The following CSMD1 variants were observed in gnomAD, a reference collection of about 807,000 sequenced individuals.
CSMD1 encodes CUB and Sushi multiple domains 1.
A neutral mutation model predicts 417.5 loss-of-function variants in CSMD1; 213 were observed. The ratio of observed to expected loss-of-function variants is 0.51; its 90% CI spans 0.46 to 0.57. The LOEUF (loss-of-function observed/expected upper bound fraction) is 0.57, where lower values mean the gene tolerates loss of function less well. CSMD1 is among the 20% of genes least tolerant of loss of function. The probability of loss-of-function intolerance (pLI) is 0.00; values close to 1 mark genes in which losing one functional copy is unlikely to be tolerated. For missense variants in CSMD1, 6,923 were observed against 4,529.7 expected (o/e 1.53, Z -15.17); for synonymous variants, 2,862 against 1,736.8 (o/e 1.65, Z -16.11).
In CSMD1 at chr8:3,287,196, T is replaced by TACCAGTACCACACTGTTTTGG. The variant is rs1211842180; in HGVS notation, c.3951-2851_3951-2850insCCAAAACAGTGTGGTACTGGT. 8.8e-5 allele frequency among the ~76,000 whole-genome samples: 13 copies of TACCAGTACCACACTGTTTTGG among 148,000 alleles called. 1 individual carries two copies. The highest frequency in any genetic ancestry group is 2.7e-4 in the Admixed American group (4 of 14,570). On this transcript the variant is annotated intron_variant, in intron 25 of 69. Coordinates refer to ENST00000635120, the MANE Select transcript of CSMD1 (RefSeq NM_033225.6). ...CCATTGGTCTCTATCTCTGTTTTGG[T>TACCAGTACCACACTGTTTTGG]TACTGTAGCCTTGTAGTACAGTTTG...
chr8:3,367,204 G>C lies in CSMD1; in HGVS notation c.2943C>G (p.His981Gln), dbSNP rs752085333. The C allele has an allele frequency of 6.2e-7, 1 of 1,613,426 alleles. No individual in the cohort carries two copies. Among genetic ancestry groups the C allele is most frequent in the Admixed American group, 1.7e-5 (1 of 59,956 alleles). ...CATCCTCTGTGATCAGTAAATAGTCGTGGGAACTCTCAAGATGAAAGGTGT... is the reference window on the plus strand; with the variant it reads ...CATCCTCTGTGATCAGTAAATAGTCCTGGGAACTCTCAAGATGAAAGGTGT... Reference protein sequence around the residue: ...IFHTFHLESSHDYLLITEDGS... With the variant: ...IFHTFHLESSQDYLLITEDGS... The change falls in exon 20 of 70, where the codon CAC becomes CAG. Residue 981 changes from histidine to glutamine, a missense_variant. By Grantham distance (24) the His-to-Gln change is conservative (BLOSUM62 0). Coordinates refer to ENST00000635120, the MANE Select transcript of CSMD1 (RefSeq NM_033225.6).
chr8:4,230,224 A>C (rs1398924106), intron 3 of CSMD1, among the ~76,000 whole-genome samples: 1 of 152,154 alleles, frequency 6.6e-6, no homozygotes, highest in Non-Finnish European at 1.5e-5. Flanking sequence ...AATCTTAATA[A>C]ATGTTTGTGT....
At chr8:3,661,380 C>G (rs1317832172) in intron 7 of CSMD1, among the ~76,000 whole-genome samples, 5 of 151,546 alleles carry the variant, frequency 3.3e-5, no homozygotes, top group South Asian at 2.1e-4. Flanking sequence ...CTGTATGTTA[C>G]TTCCCTTTTT....
chr8:4,973,412 G>A (rs1810358824), intron 1 of CSMD1, among the ~76,000 whole-genome samples: 1 of 152,030 alleles, frequency 6.6e-6, no homozygotes, highest in Non-Finnish European at 1.5e-5. Flanking sequence ...TTGTCCTGAA[G>A]CATTACTTTC....
intron 26 of CSMD1, among the ~76,000 whole-genome samples, chr8:3,259,592 G>A (rs1442394): frequency 6.6e-6 from 1 of 151,496 alleles, no homozygotes; most frequent in African/African-American, 2.4e-5. Flanking sequence ...TAAACATGAT[G>A]TGTCTTTTCT....
intron 3 of CSMD1, among the ~76,000 whole-genome samples, chr8:4,155,120 G>A (rs1381060232): frequency 6.6e-6 from 1 of 152,152 alleles, no homozygotes; most frequent in African/African-American, 2.4e-5. Context: ...TGACGCGCAT[G>A]CACTATTGTT....
intron 5 of CSMD1, among the ~76,000 whole-genome samples, chr8:3,971,694 A>G (rs1813101625): frequency 6.6e-6 from 1 of 152,186 alleles, no homozygotes; most frequent in African/African-American, 2.4e-5. Flanking sequence ...GAAAGGATGC[A>G]AGGATACGAG....
chr8:3,679,447 C>G (rs574185961), intron 7 of CSMD1, among the ~76,000 whole-genome samples: 1 of 152,144 alleles, frequency 6.6e-6, no homozygotes, highest in African/African-American at 2.4e-5. Flanking sequence ...AAAGCCATTA[C>G]GTAATGGTAA....
At chr8:3,314,489 C>T (rs1320233201) in intron 23 of CSMD1, among the ~76,000 whole-genome samples, 2 of 152,044 alleles carry the variant, frequency 1.3e-5, no homozygotes, top group Non-Finnish European at 2.9e-5. Context: ...GCTTTATGCT[C>T]TAGAAACTTT....
At chr8:4,209,639 G>C (rs1183478728) in intron 3 of CSMD1, among the ~76,000 whole-genome samples, 4 of 152,122 alleles carry the variant, frequency 2.6e-5, no homozygotes, top group African/African-American at 4.8e-5. Flanking sequence ...TTGGGGCTTA[G>C]CCTGGGAGGG....
intron 3 of CSMD1, among the ~76,000 whole-genome samples, chr8:4,089,711 C>T (rs953305002): frequency 6.6e-6 from 1 of 152,088 alleles, no homozygotes; most frequent in Non-Finnish European, 1.5e-5. Flanking sequence ...AGAAAGCTAG[C>T]TCAAGATTAT....
At chr8:4,854,553 C>T (rs1347393391) in intron 1 of CSMD1, among the ~76,000 whole-genome samples, 9 of 152,114 alleles carry the variant, frequency 5.9e-5, no homozygotes, top group East Asian at 1.9e-4. Flanking sequence ...TCAGTGGGTG[C>T]GCGCACCGTG....
At chr8:4,269,919 A>T (rs1804470604) in intron 3 of CSMD1, among the ~76,000 whole-genome samples, 1 of 152,180 alleles carries the variant, frequency 6.6e-6, no homozygotes, top group Non-Finnish European at 1.5e-5. Context: ...ATGGAGGAAG[A>T]AGGGCGTTCA....
chr8:4,219,223 C>G (rs1444158120), intron 3 of CSMD1, among the ~76,000 whole-genome samples: 1 of 152,186 alleles, frequency 6.6e-6, no homozygotes, highest in Non-Finnish European at 1.5e-5. Context: ...TTTTCACCCT[C>G]TTTTACCACT....
At chr8:3,986,974 T>C (rs999459546) in intron 5 of CSMD1, among the ~76,000 whole-genome samples, 2 of 152,154 alleles carry the variant, frequency 1.3e-5, no homozygotes, top group Admixed American at 6.5e-5. Context: ...AGGCTGTTCT[T>C]GAACTACTGA....
rs560458127 is a variant in CSMD1, at chr8:3,665,579, A to T, written c.1009+42835T>A. Among the ~76,000 whole-genome samples, 6 of 152,258 alleles carry T rather than the reference A, an allele frequency of 3.9e-5. No homozygotes were observed. In the East Asian group the frequency reaches 1.2e-3, roughly 29 times the overall value. ...ATAATTAGTATCTTGATTCCTTACT[A>T]TCCCACTTAATATTAACCAAGTAAT... On this transcript the variant is annotated intron_variant, in intron 7 of 69. Transcript: ENST00000635120.
rs562554019 is a variant in CSMD1 at position 4,410,784 on chromosome 8, G to C, written c.415+9169C>G. On this transcript the variant is annotated intron_variant, in intron 3 of 69. Coordinates refer to ENST00000635120, the MANE Select transcript of CSMD1 (RefSeq NM_033225.6). The stretch of plus-strand genomic sequence containing the variant: ...GAAATGAAAGTATAACAACTCATGA[G>C]TTGAGACTCCCCTCTGCAATGGTTT... Among the ~76,000 whole-genome samples, 92 of 152,270 alleles carry C rather than the reference G, an allele frequency of 6.0e-4. 1 individual carries two copies. Among genetic ancestry groups the C allele is most frequent in the Non-Finnish European group, 1.2e-3 (79 of 68,012 alleles).
intron 10 of CSMD1, among the ~76,000 whole-genome samples, chr8:3,566,651 C>T (rs930408901): frequency 6.6e-6 from 1 of 151,898 alleles, no homozygotes; most frequent in Non-Finnish European, 1.5e-5. Context: ...AGAATATATA[C>T]ATTCAGCTAA....
rs1015030567 is a variant in CSMD1 at position 3,683,385 on chromosome 8, G to A, written c.1009+25029C>T. Among the ~76,000 whole-genome samples, 34 of 152,052 alleles carry A rather than the reference G, an allele frequency of 2.2e-4. 2 individuals are homozygous for A. In the South Asian group the frequency reaches 4.4e-3, roughly 20 times the overall value. On this transcript the variant is annotated intron_variant, in intron 7 of 69. Coordinates refer to ENST00000635120, the MANE Select transcript of CSMD1 (RefSeq NM_033225.6). ...GAGTGAGCTGTTTATTCTGGGCACT[G>A]CATCCTTATCACTAAAGTAATTACA...
Sources: gnomAD v4.1 joint callset for allele counts (sites outside exome capture counted in the v4.1 genomes callset) on GRCh38, gnomAD v4.1.1 for gene constraint, MANE v1.5 for transcripts, NCBI Gene and HGNC (gene_info 2026-07-23, HGNC 2026-07-21) for gene names.